Variants in GATAD2B observed in about 807,000 individuals in gnomAD.
GATAD2B encodes GATA zinc finger domain containing 2B, also known as transcriptional repressor p66-beta.
A neutral mutation model predicts 64.3 loss-of-function variants in GATAD2B; 8 were observed. The ratio of observed to expected loss-of-function variants is 0.12; its 90% CI spans 0.07 to 0.22. The LOEUF (loss-of-function observed/expected upper bound fraction) is 0.22. GATAD2B is among the 10% of genes least tolerant of loss of function. The pLI is 1.00. For synonymous variants in GATAD2B, 281 were observed against 271.3 expected, an observed-to-expected ratio of 1.04 and a Z score of -0.35; for missense variants, 453 against 752.0, an observed-to-expected ratio of 0.60 and a Z score of 4.65.
chr1:153,909,783 CAA>C (rs35951173), intron 1 of GATAD2B, among the ~76,000 whole-genome samples: 6 of 133,474 alleles, frequency 4.5e-5, no homozygotes, highest in Non-Finnish European at 3.2e-5. Flanking sequence ...ACTAAAAATA[CAA>C]AAAAAAAAAA....
In GATAD2B at chr1:153,922,866, G is replaced by A. The variant is rs1678505267; in HGVS notation, c.-135C>T. The A allele has an allele frequency of 6.9e-6, 1 of 145,900 alleles. No homozygotes were observed. Among genetic ancestry groups the A allele is most frequent in the Non-Finnish European group, 1.5e-5 (1 of 65,650 alleles). 9.0% of individuals were successfully genotyped at this position (145,900 alleles called of 1,614,324 possible). Reference sequence around the variant, plus strand: ...CTAGGGACGGGGGTAGGGGAGGGGGGCGGGCCGGACCGGGGCGGGCGGGCG... The same window carrying A: ...CTAGGGACGGGGGTAGGGGAGGGGGACGGGCCGGACCGGGGCGGGCGGGCG... On this transcript the variant is annotated 5_prime_UTR_variant, in exon 1 of 11. Transcript: ENST00000368655.
At chr1:153,912,245 A>AT (rs572064758) in intron 1 of GATAD2B, among the ~76,000 whole-genome samples, 1 of 151,846 alleles carries the variant, frequency 6.6e-6, no homozygotes, top group Non-Finnish European at 1.5e-5. Flanking sequence ...AAATTGAAGA[A>AT]TTTTTTTTTC....
At chr1:153,858,597 C>T (rs1331337451) in intron 1 of GATAD2B, among the ~76,000 whole-genome samples, 1 of 151,876 alleles carries the variant, frequency 6.6e-6, no homozygotes, top group African/African-American at 2.4e-5. Context: ...AGAGCGAGAC[C>T]ATGTCTCATA....
chr1:153,917,804 G>C (rs1235831002), intron 1 of GATAD2B, among the ~76,000 whole-genome samples: 1 of 152,004 alleles, frequency 6.6e-6, no homozygotes, highest in Admixed American at 6.6e-5. Flanking sequence ...AGAACCAATA[G>C]GCAATAAATG....
At chr1:153,818,009 C>T in intron 5 of GATAD2B, 31 bp downstream of exon 5, 2 of 1,554,104 alleles carry the variant, frequency 1.3e-6, no homozygotes, top group Non-Finnish European at 1.7e-6. Flanking sequence ...CACGGCCCTC[C>T]AACACTAAGA....
At chr1:153,845,249 G>A (rs1370509592) in intron 1 of GATAD2B, among the ~76,000 whole-genome samples, 2 of 152,008 alleles carry the variant, frequency 1.3e-5, no homozygotes, top group Non-Finnish European at 2.9e-5. Context: ...TAATATTTAC[G>A]GTCAATTGAT....
In GATAD2B at chr1:153,881,268, G is replaced by A. The variant is rs577564576; in HGVS notation, c.-2+41465C>T. 1.2e-4 allele frequency among the ~76,000 whole-genome samples: 19 copies of A among 152,250 alleles called. No homozygotes were observed. The South Asian group carries it at 3.7e-3, about 30-fold the overall frequency. ...GGAGCTGACATGGAAAAGGGGAGGG[G>A]TAGAGAGGGTAAGGGGGAGGCTAGA... On this transcript the variant is annotated intron_variant, in intron 1 of 10. Coordinates refer to ENST00000368655, the MANE Select transcript of GATAD2B (RefSeq NM_020699.4).
intron 5 of GATAD2B, 79 bp downstream of exon 5, chr1:153,817,961 A>G (rs1462481503): frequency 4.6e-6 from 6 of 1,294,192 alleles, no homozygotes; most frequent in Non-Finnish European, 6.3e-6. Flanking sequence ...GTTCTTCTAT[A>G]ATCTTCACAA....
intron 1 of GATAD2B, among the ~76,000 whole-genome samples, chr1:153,859,994 T>A (rs2101919180): frequency 7.4e-6 from 1 of 135,454 alleles, no homozygotes; most frequent in African/African-American, 2.8e-5. Flanking sequence ...CTCAGCTCAC[T>A]GGAACCTCTG....
At chr1:153,857,342 A>G (rs1445844776) in intron 1 of GATAD2B, among the ~76,000 whole-genome samples, 1 of 151,916 alleles carries the variant, frequency 6.6e-6, no homozygotes, top group Non-Finnish European at 1.5e-5. Flanking sequence ...GCTACTCGGG[A>G]GGCTGAGGCA....
intron 1 of GATAD2B, among the ~76,000 whole-genome samples, chr1:153,878,221 T>G (rs146842052): frequency 6.6e-6 from 1 of 150,794 alleles, no homozygotes; most frequent in South Asian, 2.1e-4. Context: ...CAGGCTAGAG[T>G]GCAGTGGTGC....
rs56236211 is a variant in GATAD2B, at chr1:153,915,741, TAA to T, written c.-2+6990_-2+6991del. Among the ~76,000 whole-genome samples, 471 of 98,090 alleles carry T rather than the reference TAA, an allele frequency of 4.8e-3. 3 individuals carry two copies. The highest frequency in any genetic ancestry group is 0.018 in the East Asian group (63 of 3,528). 64.4% of individuals were successfully genotyped at this position (98,090 alleles called of 152,430 possible). A position where few individuals can be genotyped will look rare whatever the true frequency, so the allele number is the denominator to read the frequency against. ...GCAACAGAGCCAGAACTTGTCTATA[TAA>T]AAAAAAAAAAAAAAAAAAGAAAAGA... is the stretch of plus-strand genomic sequence containing the variant. On this transcript the variant is annotated intron_variant, in intron 1 of 10. Transcript: ENST00000368655.
At chr1:153,915,853 C>T (rs2101972192) in intron 1 of GATAD2B, among the ~76,000 whole-genome samples, 1 of 152,042 alleles carries the variant, frequency 6.6e-6, no homozygotes, top group African/African-American at 2.4e-5. Context: ...ACATAAAGGG[C>T]CTTGAATACC....
chr1:153,830,916 C>G (rs1004750767), intron 1 of GATAD2B, among the ~76,000 whole-genome samples: 15 of 152,086 alleles, frequency 9.9e-5, no homozygotes, highest in Non-Finnish European at 1.8e-4. Context: ...TAGCTAGAGA[C>G]GCGTGCCACC....
intron 1 of GATAD2B, among the ~76,000 whole-genome samples, chr1:153,840,689 A>C (rs4370789): frequency 0.41 from 62,466 of 152,122 alleles, 13,967 homozygotes; most frequent in Non-Finnish European, 0.52. Flanking sequence ...ATCTTTTTAA[A>C]ATCTAAAAAC....
At chr1:153,883,019 T>C (rs1023492624) in intron 1 of GATAD2B, among the ~76,000 whole-genome samples, 11 of 152,284 alleles carry the variant, frequency 7.2e-5, no homozygotes, top group African/African-American at 2.2e-4. Context: ...TAGTTATAAA[T>C]TGTAACAAGG....
chr1:153,905,396 C>T (rs907733332), intron 1 of GATAD2B, among the ~76,000 whole-genome samples: 2 of 151,406 alleles, frequency 1.3e-5, no homozygotes, highest in Non-Finnish European at 2.9e-5. Context: ...AAGAAAAATA[C>T]AGTGATTCAA....
chr1:153,910,545 G>A (rs769444791), intron 1 of GATAD2B, among the ~76,000 whole-genome samples: 4 of 152,252 alleles, frequency 2.6e-5, no homozygotes, highest in Non-Finnish European at 5.9e-5. Flanking sequence ...TTCAAGACCA[G>A]CCTGGCCGAC....
At chr1:153,868,727 T>C (rs1676559294) in intron 1 of GATAD2B, among the ~76,000 whole-genome samples, 1 of 151,146 alleles carries the variant, frequency 6.6e-6, no homozygotes, top group Non-Finnish European at 1.5e-5. Flanking sequence ...CACTAATATA[T>C]ATACTATATA....
Sources: allele counts gnomAD v4.1 joint callset (sites outside exome capture counted in the v4.1 genomes callset), GRCh38; gene constraint gnomAD v4.1.1; transcripts MANE v1.5; gene names NCBI Gene and HGNC (gene_info 2026-07-23, HGNC 2026-07-21).